CDH4: variants seen among roughly 807,000 people sequenced by gnomAD.
CDH4 encodes the protein cadherin 4, also known as cadherin-4.
CDH4 carries 33 observed loss-of-function variants against 86.0 expected under a neutral mutation model. That is an observed-to-expected ratio of 0.38 (90% CI 0.29 to 0.51). The LOEUF is 0.51. Ranked by LOEUF, CDH4 falls within the 20% of genes least tolerant of loss-of-function variation. CDH4 has a pLI of 0.86. For synonymous variants in CDH4, 555 were observed against 549.4 expected, an observed-to-expected ratio of 1.01 and a Z score of -0.14; for missense variants, 1,114 against 1,307.4, an observed-to-expected ratio of 0.85 and a Z score of 2.28.
chr20:61,715,776 G>C (rs112492276), intron 2 of CDH4, among the ~76,000 whole-genome samples: 31 of 152,310 alleles, frequency 2.0e-4, no homozygotes, highest in Non-Finnish European at 3.5e-4. Flanking sequence ...GCAGCCTCTT[G>C]GAAGTCACAG....
intron 6 of CDH4, among the ~76,000 whole-genome samples, chr20:61,859,014 G>T (rs979271994): frequency 6.6e-6 from 1 of 152,144 alleles, no homozygotes; most frequent in Non-Finnish European, 1.5e-5. Context: ...CTGCCCCATC[G>T]CACACTCATC....
intron 4 of CDH4, among the ~76,000 whole-genome samples, chr20:61,781,266 T>A: frequency 6.7e-6 from 1 of 148,522 alleles, no homozygotes. Flanking sequence ...GAAAATGTGA[T>A]CCACAATCAA....
rs138481946 is a variant in CDH4, at chr20:61,669,258, G to A, written c.170-74305G>A. 3.6e-3 allele frequency among the ~76,000 whole-genome samples: 552 copies of A among 152,326 alleles called. 2 individuals are homozygous for A. Among genetic ancestry groups the A allele is most frequent in the African/African-American group, 0.012 (514 of 41,576 alleles). ...TGGAGAGTTAAAGGGAGCCAGTCCC[G>A]TGGAGGATGCAGCACCGGCACCCCA... is the stretch of plus-strand genomic sequence containing the variant. On this transcript the variant is annotated intron_variant, in intron 2 of 15. Coordinates refer to ENST00000614565, the MANE Select transcript of CDH4 (RefSeq NM_001794.5).
intron 2 of CDH4, among the ~76,000 whole-genome samples, chr20:61,679,111 C>CAT (rs1391561297): frequency 3.9e-5 from 6 of 152,180 alleles, no homozygotes. Flanking sequence ...CACACGGTGA[C>CAT]AAGGGTCAGA....
intron 4 of CDH4, among the ~76,000 whole-genome samples, chr20:61,805,156 G>A (rs187621983): frequency 9.2e-5 from 14 of 152,274 alleles, no homozygotes; most frequent in Admixed American, 5.2e-4. Context: ...GCCGGAAGCC[G>A]GTACGGTGCT....
chr20:61,529,646 T>A (rs2085937477), intron 2 of CDH4, among the ~76,000 whole-genome samples: 2 of 152,204 alleles, frequency 1.3e-5, no homozygotes, highest in African/African-American at 4.8e-5. Context: ...ACGTTTCTGT[T>A]GAAACATGGG....
intron 2 of CDH4, among the ~76,000 whole-genome samples, chr20:61,462,277 TTAAGA>T (rs1164022245): frequency 2.0e-5 from 3 of 152,210 alleles, no homozygotes; most frequent in Non-Finnish European, 4.4e-5. Flanking sequence ...GAAGGATATC[TTAAGA>T]TTTCAGTGGT....
chr20:61,865,115 GC>G (rs1033173804), intron 6 of CDH4, among the ~76,000 whole-genome samples: 3 of 151,038 alleles, frequency 2.0e-5, no homozygotes, highest in South Asian at 4.2e-4. Flanking sequence ...CCCTGCCCCT[GC>G]CCCCCAACAG....
chr20:61,858,957 G>A (rs1038549679), intron 6 of CDH4, among the ~76,000 whole-genome samples: 2 of 152,216 alleles, frequency 1.3e-5, no homozygotes, highest in Admixed American at 1.3e-4. Flanking sequence ...CATCTCGGGA[G>A]CAGGCGTTTG....
chr20:61,313,196 C>T (rs528313732), intron 2 of CDH4, among the ~76,000 whole-genome samples: 2 of 152,292 alleles, frequency 1.3e-5, no homozygotes, highest in Admixed American at 6.5e-5. Flanking sequence ...TCGTGCACTA[C>T]GTGGGGCCTG....
chr20:61,410,772 A>C (rs542108587), intron 2 of CDH4, among the ~76,000 whole-genome samples: 2 of 151,366 alleles, frequency 1.3e-5, no homozygotes, highest in South Asian at 4.2e-4. Flanking sequence ...CCATTCATCC[A>C]TCTGTCAGTC....
At chr20:61,506,354 A>T (rs1032240178) in intron 2 of CDH4, among the ~76,000 whole-genome samples, 13 of 152,236 alleles carry the variant, frequency 8.5e-5, no homozygotes, top group Admixed American at 7.8e-4. Context: ...ATGTTTAAAC[A>T]GTTTGGTTGC....
chr20:61,404,379 C>A (rs190157844), intron 2 of CDH4, among the ~76,000 whole-genome samples: 2 of 152,144 alleles, frequency 1.3e-5, no homozygotes, highest in Non-Finnish European at 2.9e-5. Context: ...CACCTTTCAC[C>A]CTCCTCCACA....
chr20:61,664,528 G>C (rs892811846), intron 2 of CDH4, among the ~76,000 whole-genome samples: 1 of 152,236 alleles, frequency 6.6e-6, no homozygotes, highest in Non-Finnish European at 1.5e-5. Flanking sequence ...GCCGGGCCCA[G>C]GAGTCTGGTT....
intron 4 of CDH4, among the ~76,000 whole-genome samples, chr20:61,800,870 G>A (rs1568823397): frequency 6.6e-6 from 1 of 152,230 alleles, no homozygotes; most frequent in Non-Finnish European, 1.5e-5. Flanking sequence ...CATCCTTAGA[G>A]CCCACCAGTG....
chr20:61,915,844 A>C (rs1357171618), intron 9 of CDH4, among the ~76,000 whole-genome samples: 2 of 152,170 alleles, frequency 1.3e-5, no homozygotes, highest in African/African-American at 4.8e-5. Context: ...ACTTGTTAAC[A>C]TTCCTGAGAG....
At chr20:61,920,039 G>A (rs1438423514) in intron 9 of CDH4, among the ~76,000 whole-genome samples, 22 of 147,356 alleles carry the variant, frequency 1.5e-4, no homozygotes, top group African/African-American at 3.0e-4. Context: ...TCGTGATTGT[G>A]TGGAAGCATG....
intron 2 of CDH4, among the ~76,000 whole-genome samples, chr20:61,468,748 T>A (rs1001199163): frequency 3.9e-5 from 6 of 152,188 alleles, no homozygotes; most frequent in African/African-American, 1.4e-4. Context: ...TTCTACTCTC[T>A]ATCTCCATGA....
rs568328139 is a variant in CDH4, at chr20:61,555,300, G to T, written c.170-188263G>T. 4.6e-5 allele frequency among the ~76,000 whole-genome samples: 7 copies of T among 152,336 alleles called. No individual in the cohort carries two copies. In the East Asian group the frequency reaches 1.4e-3, roughly 29 times the overall value. ...AGATGTATTTATCTTTAATTTTGGC[G>T]AGGATGCGGAGTGAAGCAGTAAGGG... On this transcript the variant is annotated intron_variant, in intron 2 of 15. Transcript: ENST00000614565.
Sources: gnomAD v4.1 joint callset for allele counts (sites outside exome capture counted in the v4.1 genomes callset) on GRCh38, gnomAD v4.1.1 for gene constraint, MANE v1.5 for transcripts, NCBI Gene and HGNC (gene_info 2026-07-23, HGNC 2026-07-21) for gene names.